CNBD1: variants seen among roughly 807,000 people sequenced by gnomAD.
CNBD1 encodes cyclic nucleotide-binding domain-containing protein 1.
Under a neutral mutation model 54.4 loss-of-function variants are expected in CNBD1, and 71 were observed. The ratio of observed to expected loss-of-function variants is 1.30; its 90% CI spans 1.08 to 1.59. The LOEUF (loss-of-function observed/expected upper bound fraction) is 1.59. Ranked by LOEUF, CNBD1 falls within the 40% of genes most tolerant of loss-of-function variation. The probability of loss-of-function intolerance (pLI) is 0.00; values close to 1 mark genes in which losing one functional copy is unlikely to be tolerated. For synonymous variants in CNBD1, 182 were observed against 170.7 expected (o/e 1.07, Z -0.51); for missense variants, 659 against 518.0 (o/e 1.27, Z -2.64).
Position 87,031,964 on chromosome 8 carries a change from C to G in CNBD1, c.431+92210C>G, listed in dbSNP as rs548971197. The stretch of plus-strand genomic sequence containing the variant: ...TCATGTTGGCCAGGCTGGTCTTGAA[C>G]TTCTGAAGTCAGGTGATCCTCCCCC... On this transcript the variant is annotated intron_variant, in intron 4 of 10. Coordinates refer to ENST00000518476, the MANE Select transcript of CNBD1 (RefSeq NM_173538.3). Among the ~76,000 whole-genome samples, 11 of 152,280 alleles carry G rather than the reference C, an allele frequency of 7.2e-5. No homozygotes were observed. The South Asian group carries it at 2.3e-3, about 32-fold the overall frequency.
At chr8:87,192,123 T>A (rs1813624346) in intron 4 of CNBD1, among the ~76,000 whole-genome samples, 1 of 152,112 alleles carries the variant, frequency 6.6e-6, no homozygotes, top group African/African-American at 2.4e-5. Flanking sequence ...AAAATATTTT[T>A]AAGTTCAATT....
intron 4 of CNBD1, among the ~76,000 whole-genome samples, chr8:87,171,926 C>T (rs1169506199): frequency 3.9e-5 from 6 of 152,208 alleles, no homozygotes; most frequent in East Asian, 1.9e-4. Context: ...CATGAGCCAC[C>T]GCGCCTGGGC....
At position 87,325,109 on chromosome 8, in the gene CNBD1, G is replaced by A. The variant is rs368431073; in HGVS notation, c.1043-26576G>A. Among the ~76,000 whole-genome samples the A allele has an allele frequency of 7.9e-5, 7 of 89,110 alleles. 1 individual carries two copies. The highest frequency in any genetic ancestry group is 1.3e-4 in the Non-Finnish European group (6 of 46,100). 58.5% of individuals were successfully genotyped at this position (89,110 alleles called of 152,430 possible). The stretch of plus-strand genomic sequence containing the variant: ...TTGTTCAGTTTCCATGTAGTTGGGC[G>A]GCTTTGAGTGAGATTCTTAATCCTG... On this transcript the variant is annotated intron_variant, in intron 8 of 10. Coordinates refer to ENST00000518476, the MANE Select transcript of CNBD1 (RefSeq NM_173538.3).
At chr8:87,122,537 T>C (rs1033615326) in intron 4 of CNBD1, among the ~76,000 whole-genome samples, 1 of 151,880 alleles carries the variant, frequency 6.6e-6, no homozygotes, top group Admixed American at 6.6e-5. Flanking sequence ...TCTTTTTAGT[T>C]TGATGCCATC....
intron 4 of CNBD1, among the ~76,000 whole-genome samples, chr8:86,942,570 G>C (rs897495135): frequency 1.3e-5 from 2 of 152,188 alleles, no homozygotes; most frequent in African/African-American, 4.8e-5. Flanking sequence ...TTGCCATGTG[G>C]CACTTTCTCA....
intron 4 of CNBD1, among the ~76,000 whole-genome samples, chr8:87,105,025 A>T (rs2130697598): frequency 6.6e-6 from 1 of 152,298 alleles, no homozygotes; most frequent in East Asian, 1.9e-4. Context: ...ACAGCAGGTG[A>T]AAGTAGGTTT....
chr8:87,308,884 C>T (rs1271154460), intron 8 of CNBD1, among the ~76,000 whole-genome samples: 1 of 152,080 alleles, frequency 6.6e-6, no homozygotes, highest in African/African-American at 2.4e-5. Flanking sequence ...ATATACCGAC[C>T]TCTAATTTTA....
chr8:87,162,954 T>A (rs565277151), intron 4 of CNBD1, among the ~76,000 whole-genome samples: 51 of 152,096 alleles, frequency 3.4e-4, no homozygotes, highest in African/African-American at 1.2e-3. Flanking sequence ...ATAGAAAGAG[T>A]TTGTCTCATT....
At chr8:86,926,279 T>C (rs1382474881) in intron 3 of CNBD1, among the ~76,000 whole-genome samples, 1 of 151,830 alleles carries the variant, frequency 6.6e-6, no homozygotes, top group Non-Finnish European at 1.5e-5. Context: ...TGGATAGGGG[T>C]GAAGAAGGGG....
At chr8:87,357,027 T>C (rs1027069197) in intron 10 of CNBD1, among the ~76,000 whole-genome samples, 1 of 152,194 alleles carries the variant, frequency 6.6e-6, no homozygotes, top group African/African-American at 2.4e-5. Flanking sequence ...GACTGTAAGC[T>C]ATAAGCCTTT....
rs762561020 is a variant in CNBD1, at chr8:86,939,582, A to G, written c.273-14A>G. 6 of 1,557,682 alleles carry G rather than the reference A, an allele frequency of 3.9e-6. No individual in the cohort carries two copies. Among genetic ancestry groups the G allele is most frequent in the African/African-American group, 1.4e-5 (1 of 72,104 alleles). On this transcript the variant is annotated splice_polypyrimidine_tract_variant and intron_variant, in intron 3 of 10. Coordinates refer to ENST00000518476, the MANE Select transcript of CNBD1 (RefSeq NM_173538.3). ...AGTATACAACAGCATAAAATACTAT[A>G]TTTTCTTGTTCAGGGAACTCAATGA...
chr8:86,928,667 A>T (rs1037558567), intron 3 of CNBD1, among the ~76,000 whole-genome samples: 8 of 152,176 alleles, frequency 5.3e-5, no homozygotes, highest in African/African-American at 1.9e-4. Context: ...ACTTAGGCAT[A>T]TGGGTGAAGT....
rs182022828 is a variant in CNBD1 at position 87,156,656 on chromosome 8, A to C, written c.432-49337A>C. Among the ~76,000 whole-genome samples the C allele has an allele frequency of 3.9e-3, 596 of 152,194 alleles. 5 individuals carry two copies. The highest frequency in any genetic ancestry group is 0.031 in the South Asian group (148 of 4,828). The stretch of plus-strand genomic sequence containing the variant: ...TTTTTTACAGGGGACGTATATTCAG[A>C]GAGTTTTGCTATGCAATGCTCTTTG... On this transcript the variant is annotated intron_variant, in intron 4 of 10. Transcript: ENST00000518476.
intron 2 of CNBD1, among the ~76,000 whole-genome samples, chr8:87,404,953 G>A (rs2130980300): frequency 6.6e-6 from 1 of 151,960 alleles, no homozygotes; most frequent in South Asian, 2.1e-4. Flanking sequence ...ACTCACTTTT[G>A]GCAATTGCTT....
At chr8:87,424,835 T>A (rs1261034240) in intron 2 of CNBD1, among the ~76,000 whole-genome samples, 1 of 152,182 alleles carries the variant, frequency 6.6e-6, no homozygotes, top group East Asian at 1.9e-4. Context: ...CTTTGTGGCA[T>A]TCTCTGTATT....
intron 1 of CNBD1, among the ~76,000 whole-genome samples, chr8:86,886,297 G>A (rs1397199568): frequency 6.6e-6 from 1 of 152,038 alleles, no homozygotes; most frequent in Non-Finnish European, 1.5e-5. Context: ...CTGACAGCTT[G>A]GTTCATTTAA....
At chr8:87,006,801 G>C (rs1809107346) in intron 4 of CNBD1, among the ~76,000 whole-genome samples, 5 of 152,160 alleles carry the variant, frequency 3.3e-5, no homozygotes, top group Admixed American at 3.3e-4. Flanking sequence ...TGCCTTGAAT[G>C]TTTCTCTCCA....
At chr8:87,248,879 C>G (rs1201765464) in intron 6 of CNBD1, among the ~76,000 whole-genome samples, 2 of 152,086 alleles carry the variant, frequency 1.3e-5, no homozygotes, top group Non-Finnish European at 2.9e-5. Flanking sequence ...GAGGCGTGAA[C>G]AGAAGTGGTA....
chr8:87,314,077 T>G (rs764394254), intron 8 of CNBD1, among the ~76,000 whole-genome samples: 48 of 151,942 alleles, frequency 3.2e-4, no homozygotes, highest in Non-Finnish European at 6.0e-4. Flanking sequence ...TTGATTTGAT[T>G]ACATTTTCAA....
Sources: allele counts gnomAD v4.1 joint callset (sites outside exome capture counted in the v4.1 genomes callset), GRCh38; gene constraint gnomAD v4.1.1; transcripts MANE v1.5; gene names NCBI Gene and HGNC (gene_info 2026-07-23, HGNC 2026-07-21).